Variants in GARNL3 observed in about 807,000 individuals in gnomAD.
GARNL3 encodes GTPase-activating Rap/Ran-GAP domain-like protein 3.
Under a neutral mutation model 125.0 loss-of-function variants are expected in GARNL3, and 63 were observed. The observed-to-expected ratio is 0.50, with a 90% confidence interval of 0.41 to 0.62. GARNL3 has a LOEUF of 0.62. Ranked by LOEUF, GARNL3 falls within the 20% of genes least tolerant of loss-of-function variation. The pLI, the probability that GARNL3 is intolerant of heterozygous loss-of-function variation, is 0.00. For synonymous variants in GARNL3, 439 were observed against 457.5 expected (o/e 0.96, Z 0.52); for missense variants, 994 against 1,244.0 (o/e 0.80, Z 3.02).
intron 2 of GARNL3, among the ~76,000 whole-genome samples, chr9:127,249,463 G>A (rs1433729199): frequency 6.6e-6 from 1 of 152,094 alleles, no homozygotes. Flanking sequence ...GTGTGTGCCT[G>A]TGGTCTCAGC....
At position 127,266,259 on chromosome 9, in the gene GARNL3, A is replaced by C. The variant is rs1413629686; in HGVS notation, c.144+1238A>C. ...AAGGAAGGGATCACCCATTCTGGCC[A>C]GGGGTCTCAGAGACACACCATGGAA... On this transcript the variant is annotated intron_variant, in intron 1 of 27. Transcript: ENST00000373387. This position sits in a 1 kb window ranked among gnomAD's most constrained non-coding sequence, Gnocchi z 4.0. Among the ~76,000 whole-genome samples, 1 of 152,320 alleles carries C rather than the reference A, an allele frequency of 6.6e-6. No homozygotes were observed. The highest frequency in any genetic ancestry group is 1.9e-4 in the East Asian group (1 of 5,184).
chr9:127,270,553 T>C (rs1697127004), intron 1 of GARNL3, among the ~76,000 whole-genome samples: 1 of 152,196 alleles, frequency 6.6e-6, no homozygotes, highest in African/African-American at 2.4e-5. Flanking sequence ...CTAGTCATTC[T>C]TACTGATGGA....
At chr9:127,355,898 T>TACC (rs1399736129) in intron 20 of GARNL3, among the ~76,000 whole-genome samples, 2 of 152,160 alleles carry the variant, frequency 1.3e-5, no homozygotes, top group African/African-American at 2.4e-5. Context: ...CTGAATAGGT[T>TACC]ACCTGTGAGC....
intron 1 of GARNL3, among the ~76,000 whole-genome samples, chr9:127,283,631 C>T (rs2064160483): frequency 6.6e-6 from 1 of 152,150 alleles, no homozygotes; most frequent in East Asian, 1.9e-4. Context: ...AATTGTGCCA[C>T]TACACCCCAG....
At chr9:127,388,695 T>C (rs1451316824) in intron 25 of GARNL3, 3 of 584,082 alleles carry the variant, frequency 5.1e-6, no homozygotes, top group Admixed American at 6.1e-5. Flanking sequence ...TTTTACCTAA[T>C]TTACACATGA....
chr9:127,234,715 C>T (rs1474499629), intron 1 of GARNL3, among the ~76,000 whole-genome samples: 2 of 152,174 alleles, frequency 1.3e-5, no homozygotes, highest in African/African-American at 4.8e-5. Context: ...CTTCTGGAGG[C>T]TGTAAAGTCC....
chr9:127,235,184 T>TC (rs2063089071), intron 1 of GARNL3, among the ~76,000 whole-genome samples: 1 of 151,186 alleles, frequency 6.6e-6, no homozygotes, highest in Non-Finnish European at 1.5e-5. Flanking sequence ...TTTCCTTTTT[T>TC]CCCATACTGT....
At chr9:127,376,970 A>T (rs1468295129) in intron 22 of GARNL3, among the ~76,000 whole-genome samples, 1 of 152,254 alleles carries the variant, frequency 6.6e-6, no homozygotes, top group African/African-American at 2.4e-5. Context: ...GCAAAGATGT[A>T]TATTTCTCCT....
chr9:127,380,644 G>A (rs183011405), intron 22 of GARNL3, among the ~76,000 whole-genome samples: 16 of 152,248 alleles, frequency 1.1e-4, no homozygotes, highest in South Asian at 6.2e-4. Flanking sequence ...GGTGAGCCTC[G>A]AAAACATCGA....
chr9:127,387,176 T>G lies in GARNL3; in HGVS notation c.2389-17T>G, dbSNP rs772872889. 3.7e-6 allele frequency: 6 copies of G among 1,607,150 alleles called. No individual in the cohort carries two copies. Among genetic ancestry groups the G allele is most frequent in the Non-Finnish European group, 2.6e-6 (3 of 1,175,998 alleles). ...AGAACACCAGGCAGCCCGGTAATGC[T>G]CTCTCTTCCTTTCTAGTCGGATATA... On this transcript the variant is annotated splice_polypyrimidine_tract_variant and intron_variant, in intron 24 of 27. Coordinates refer to ENST00000373387, the MANE Select transcript of GARNL3 (RefSeq NM_032293.5).
intron 12 of GARNL3, 67 bp downstream of exon 12, chr9:127,338,228 T>C: frequency 4.1e-6 from 5 of 1,217,718 alleles, no homozygotes; most frequent in Non-Finnish European, 6.1e-6. Flanking sequence ...CATTGATTTT[T>C]ACAAGACTCT....
At chr9:127,390,792 T>G in intron 27 of GARNL3, 25 bp downstream of exon 27, 1 of 1,608,264 alleles carries the variant, frequency 6.2e-7, no homozygotes, top group Non-Finnish European at 8.5e-7. Flanking sequence ...AGGCCCCTGC[T>G]TGGGGTGGTG....
At chr9:127,390,916 C>G in intron 27 of GARNL3, 149 bp downstream of exon 27, 1 of 748,708 alleles carries the variant, frequency 1.3e-6, no homozygotes, top group Non-Finnish European at 2.2e-6. Context: ...CTGAGGGTCC[C>G]CAGACCCTCA....
intron 22 of GARNL3, among the ~76,000 whole-genome samples, chr9:127,374,016 A>G (rs1382143738): frequency 2.6e-5 from 4 of 151,998 alleles, no homozygotes; most frequent in African/African-American, 9.7e-5. Context: ...AAAAAAAAAA[A>G]GGAGGCTGGG....
chr9:127,335,857 A>C (rs747616468), intron 10 of GARNL3, among the ~76,000 whole-genome samples: 1 of 152,086 alleles, frequency 6.6e-6, no homozygotes, highest in Non-Finnish European at 1.5e-5. Context: ...CTGAGTATCT[A>C]CATGGGATGT....
rs961362348 is a variant in GARNL3, at chr9:127,384,419, G to T, written c.2270-608G>T. ...GTGTGCCCCAGGGCAGCCAGGGCAG[G>T]CACAGTGCCTGGAAGCCAGTGTGTC... On this transcript the variant is annotated intron_variant, in intron 23 of 27. Transcript: ENST00000373387. The surrounding 1 kb of genome is among the most constrained non-coding windows in gnomAD (Gnocchi z 4.0). Among the ~76,000 whole-genome samples, 1 of 152,184 alleles carries T rather than the reference G, an allele frequency of 6.6e-6. No homozygotes were observed. The highest frequency in any genetic ancestry group is 2.1e-4 in the South Asian group (1 of 4,832).
intron 1 of GARNL3, among the ~76,000 whole-genome samples, chr9:127,237,588 A>C (rs1289325127): frequency 2.6e-5 from 4 of 152,248 alleles, no homozygotes; most frequent in Non-Finnish European, 4.4e-5. Flanking sequence ...TCATAACAAA[A>C]ATAAATGAGA....
intron 19 of GARNL3, 103 bp downstream of exon 19, chr9:127,354,513 A>G: frequency 1.5e-6 from 1 of 686,050 alleles, no homozygotes; most frequent in South Asian, 2.0e-5. Context: ...TGATCTTATT[A>G]GTTTGTTTTT....
intron 2 of GARNL3, among the ~76,000 whole-genome samples, chr9:127,301,903 A>G (rs2064800672): frequency 9.5e-6 from 1 of 105,390 alleles, no homozygotes; most frequent in Non-Finnish European, 2.0e-5. Context: ...TTACAAATCT[A>G]TCTTCCTTAG....
Sources: gnomAD v4.1 joint callset for allele counts (sites outside exome capture counted in the v4.1 genomes callset) on GRCh38, gnomAD v4.1.1 for gene constraint, Gnocchi (gnomAD v3.1) non-coding constraint, MANE v1.5 for transcripts, NCBI Gene and HGNC (gene_info 2026-07-23, HGNC 2026-07-21) for gene names.